The following SLC22A5 variants were observed in gnomAD, a reference collection of about 807,000 sequenced individuals.
SLC22A5 encodes organic cation/carnitine transporter 2.
A neutral mutation model predicts 56.7 loss-of-function variants in SLC22A5; 44 were observed. That is an observed-to-expected ratio of 0.78 (90% CI 0.61 to 1.00). The LOEUF (loss-of-function observed/expected upper bound fraction) is 1.00. Among genes scored for constraint, SLC22A5 ranks in the 50% least tolerant of loss-of-function variants. The pLI is 0.00. For synonymous variants in SLC22A5, 278 were observed against 292.1 expected (o/e 0.95, Z 0.49); for missense variants, 675 against 723.0 (o/e 0.93, Z 0.76).
intron 6 of SLC22A5, chr5:132,389,241 T>C (rs1752626276): frequency 1.9e-6 from 1 of 532,560 alleles, no homozygotes; most frequent in Non-Finnish European, 3.4e-6. Context: ...GAGGCTGTTG[T>C]GGGAAATATG....
Position 132,369,985 on chromosome 5 carries a change from G to A in SLC22A5, c.13G>A (p.Asp5Asn). 1 of 1,613,142 alleles carries A rather than the reference G, an allele frequency of 6.2e-7. No individual in the cohort carries two copies. Among genetic ancestry groups the A allele is most frequent in the Non-Finnish European group, 8.5e-7 (1 of 1,179,680 alleles). The change falls in exon 1 of 10, where the codon GAC (aspartate) becomes AAC (asparagine). Residue 5 changes from aspartate to asparagine, a missense_variant. By Grantham distance (23) the Asp-to-Asn change is conservative. Transcript: ENST00000245407. Reference sequence around the variant, plus strand: ...CTCTGAGGGCGGCATGCGGGACTACGACGAGGTGACCGCCTTCCTGGGCGA... The same window carrying A: ...CTCTGAGGGCGGCATGCGGGACTACAACGAGGTGACCGCCTTCCTGGGCGA... MRDY[D>N]EVTAFLGEWG...
At position 132,393,822 on chromosome 5, in the gene SLC22A5, C is replaced by T. The variant is rs985248391; in HGVS notation, c.1586+11C>T. 1 of 1,614,120 alleles carries T rather than the reference C, an allele frequency of 6.2e-7. No homozygotes were observed. Among genetic ancestry groups the T allele is most frequent in the Non-Finnish European group, 8.5e-7 (1 of 1,179,980 alleles). On this transcript the variant is annotated intron_variant, in intron 9 of 9. Transcript: ENST00000245407. ...GCTAAGAGTCAAAGGGTAAGAAGAC[C>T]TCCTCTGTCAGTGTTGATGCACTGG... is the stretch of plus-strand genomic sequence containing the variant.
In SLC22A5 at chr5:132,377,954, G is replaced by A. The variant is rs752148815; in HGVS notation, c.394-424G>A. Reference sequence around the variant, plus strand: ...AGTTTCTTGCTGGATGCTTTGGCCCGTAGAGCCCCAGAGCCCTGCTTCCAG... The same window carrying A: ...AGTTTCTTGCTGGATGCTTTGGCCCATAGAGCCCCAGAGCCCTGCTTCCAG... On this transcript the variant is annotated intron_variant, in intron 1 of 9. Coordinates refer to ENST00000245407, the MANE Select transcript of SLC22A5 (RefSeq NM_003060.4). The A allele has an allele frequency of 4.4e-5, 31 of 702,348 alleles. 1 individual carries two copies. The highest frequency in any genetic ancestry group is 9.0e-5 in the African/African-American group (5 of 55,618). 43.5% of individuals were successfully genotyped at this position (702,348 alleles called of 1,614,324 possible).
Position 132,394,154 on chromosome 5 carries a change from G to A in SLC22A5, c.1587-31G>A, listed in dbSNP as rs1029889591. The A allele has an allele frequency of 4.3e-6, 6 of 1,402,786 alleles. No individual in the cohort carries two copies. The African/African-American group carries it at 7.1e-5, about 17-fold the overall frequency. The allele number at this position is 1,402,786 out of a possible 1,614,324, so 86.9% of individuals were successfully genotyped here. ...ACTGGGAGGCATCTTTTTAAAATGT[G>A]TTACTGACATATTTTTGCTTGTTTT... On this transcript the variant is annotated intron_variant, in intron 9 of 9. Transcript: ENST00000245407.
Position 132,370,085 on chromosome 5 carries a change from C to T in SLC22A5, c.113C>T (p.Ser38Phe), listed in dbSNP as rs369354736. The T allele has an allele frequency of 1.2e-6, 2 of 1,612,824 alleles. No homozygotes were observed. Among genetic ancestry groups the T allele is most frequent in the Non-Finnish European group, 1.7e-6 (2 of 1,179,658 alleles). ...SIIPNGFTGL[S>F]SVFLIATPEH... is the part of the protein sequence containing the mutation. ...ATCCCCAATGGCTTCACCGGCCTGTCCTCCGTGTTCCTGATAGCGACCCCG... is the reference window on the plus strand; with the variant it reads ...ATCCCCAATGGCTTCACCGGCCTGTTCTCCGTGTTCCTGATAGCGACCCCG... The change falls in exon 1 of 10, where the codon TCC becomes TTC. Residue 38 changes from serine to phenylalanine, a missense_variant. Coordinates refer to ENST00000245407, the MANE Select transcript of SLC22A5 (RefSeq NM_003060.4).
At position 132,393,426 on chromosome 5, in the gene SLC22A5, A is replaced by C. The variant is rs274549; in HGVS notation, c.1451-250A>C. On this transcript the variant is annotated intron_variant, in intron 8 of 9. Coordinates refer to ENST00000245407, the MANE Select transcript of SLC22A5 (RefSeq NM_003060.4). ...ATAATCAGCATGGCCCAGCTCTTCT[A>C]CTGCAACCGCCCCTTTGTACTCCTC... Among the ~76,000 whole-genome samples the C allele has an allele frequency of 0.76, 114,821 of 152,076 alleles. 45,027 individuals are homozygous for C. The highest frequency in any genetic ancestry group is 0.91 in the East Asian group (4,715 of 5,176).
At position 132,384,204 on chromosome 5, in the gene SLC22A5, C is replaced by T; in HGVS notation, c.555C>T (p.Phe185=). Residue 185 remains phenylalanine, a synonymous_variant, in exon 3 of 10, where the codon TTC becomes TTT. Transcript: ENST00000245407. ...TGGGCATGCAGACAGGCTTCAGCTT[C>T]CTGCAGATCTTCTCGAAGAATTTTG... is the stretch of plus-strand genomic sequence containing the variant. ...VTMGMQTGFS[F]LQIFSKNFEM... 1 of 1,614,176 alleles carries T rather than the reference C, an allele frequency of 6.2e-7. No homozygotes were observed. The highest frequency in any genetic ancestry group is 8.5e-7 in the Non-Finnish European group (1 of 1,179,976).
At chr5:132,373,099 G>A (rs1751998437) in intron 1 of SLC22A5, among the ~76,000 whole-genome samples, 1 of 152,162 alleles carries the variant, frequency 6.6e-6, no homozygotes, top group African/African-American at 2.4e-5. Context: ...GGATGCAGAG[G>A]GAGGTTCTCA....
rs1489176832 is a variant in SLC22A5 at position 132,369,760 on chromosome 5, G to C, written c.-213G>C. On this transcript the variant is annotated 5_prime_UTR_variant, in exon 1 of 10. Coordinates refer to ENST00000245407, the MANE Select transcript of SLC22A5 (RefSeq NM_003060.4). ...CCAGCGGGGCGCGCCTTGCGGCCCA[G>C]GCCCGCAACCTTCCCTGGTCGTGCG... The C allele has an allele frequency of 5.2e-6, 3 of 572,242 alleles. No individual in the cohort carries two copies. The East Asian group carries it at 1.0e-4, about 19-fold the overall frequency. 35.4% of individuals were successfully genotyped at this position (572,242 alleles called of 1,614,324 possible). A position where few individuals can be genotyped will look rare whatever the true frequency, so the allele number is the denominator to read the frequency against.
chr5:132,370,416 G>A, intron 1 of SLC22A5, 51 bp downstream of exon 1: 1 of 1,589,546 alleles, frequency 6.3e-7, no homozygotes, highest in South Asian at 1.1e-5. Flanking sequence ...AGGACCTGTC[G>A]CGGTCCTTGA....
intron 1 of SLC22A5, chr5:132,378,112 C>G: frequency 1.3e-6 from 2 of 1,551,828 alleles, no homozygotes; most frequent in Non-Finnish European, 1.7e-6. Context: ...CCAGGGTCAG[C>G]ATGTGGACAG....
At position 132,369,928 on chromosome 5, in the gene SLC22A5, C is replaced by T; in HGVS notation, c.-45C>T. On this transcript the variant is annotated 5_prime_UTR_variant, in exon 1 of 10. Transcript: ENST00000245407. ...CCGCGCGCACGCGCAAAGCCCGCCG[C>T]GTTCCCCGACCCCAGGCCGCGCTCT... 1 of 1,606,380 alleles carries T rather than the reference C, an allele frequency of 6.2e-7. No homozygotes were observed. Among genetic ancestry groups the T allele is most frequent in the Non-Finnish European group, 8.5e-7 (1 of 1,177,250 alleles).
chr5:132,369,787 C>A lies in SLC22A5; in HGVS notation c.-186C>A. 1 of 695,116 alleles carries A rather than the reference C, an allele frequency of 1.4e-6. No homozygotes were observed. Among genetic ancestry groups the A allele is most frequent in the Non-Finnish European group, 2.2e-6 (1 of 445,596 alleles). The allele number at this position is 695,116 out of a possible 1,614,324, so 43.1% of individuals were successfully genotyped here. ...CCCGCAACCTTCCCTGGTCGTGCGC[C>A]CTATGTAAGGCCAGCCGCGGCAGGA... On this transcript the variant is annotated 5_prime_UTR_variant, in exon 1 of 10. Transcript: ENST00000245407.
rs150705788 is a variant in SLC22A5, at chr5:132,378,398, C to T, written c.414C>T (p.Asp138=). The T allele has an allele frequency of 8.3e-4, 1,339 of 1,614,078 alleles. 2 individuals carry two copies. The highest frequency in any genetic ancestry group is 1.0e-3 in the Non-Finnish European group (1,231 of 1,179,954). ...IVTEWNLVCE[D]DWKAPLTISL... ...TGCAGTGGAACCTGGTGTGTGAGGA[C>T]GACTGGAAGGCCCCACTCACAATCT... Residue 138 remains aspartate (D), a synonymous_variant, in exon 2 of 10, where the codon GAC becomes GAT. Transcript: ENST00000245407.
At chr5:132,371,669 C>G (rs1208287826) in intron 1 of SLC22A5, among the ~76,000 whole-genome samples, 1 of 152,084 alleles carries the variant, frequency 6.6e-6, no homozygotes, top group African/African-American at 2.4e-5. Context: ...AGAAGGCTTC[C>G]CAGAAGAGGA....
intron 2 of SLC22A5, chr5:132,382,441 T>C (rs1283917055): frequency 6.6e-6 from 1 of 150,402 alleles, no homozygotes; most frequent in Non-Finnish European, 1.5e-5. Context: ...TAGTTCCTTA[T>C]GACTTTCCTT....
intron 6 of SLC22A5, chr5:132,390,225 C>T: frequency 3.5e-6 from 1 of 283,086 alleles, no homozygotes; most frequent in South Asian, 3.5e-5. Flanking sequence ...GTGTGAGGGT[C>T]TCTCTCCAAG....
intron 6 of SLC22A5, 32 bp downstream of exon 6, chr5:132,389,053 G>A: frequency 6.9e-7 from 1 of 1,453,144 alleles, no homozygotes; most frequent in Non-Finnish European, 9.7e-7. Flanking sequence ...GAGGCTTCCA[G>A]ACAAAGCTTC....
At chr5:132,392,763 G>A in intron 8 of SLC22A5, 148 bp downstream of exon 8, 1 of 737,208 alleles carries the variant, frequency 1.4e-6, no homozygotes, top group East Asian at 2.7e-5. Flanking sequence ...GCCGGGAAGG[G>A]TTCTTGTCCC....
Sources: allele counts gnomAD v4.1 joint callset (sites outside exome capture counted in the v4.1 genomes callset), GRCh38; gene constraint gnomAD v4.1.1; transcripts MANE v1.5; gene names NCBI Gene and HGNC (gene_info 2026-07-23, HGNC 2026-07-21).